Variants in CYB5R4 observed in about 807,000 individuals in gnomAD.
CYB5R4 encodes the protein N-terminal cytochrome b5 and cytochrome b5 oxidoreductase domain-containing protein.
Under a neutral mutation model 70.2 loss-of-function variants are expected in CYB5R4, and 55 were observed. The ratio of observed to expected loss-of-function variants is 0.78; its 90% CI spans 0.63 to 0.98. The LOEUF is 0.98. CYB5R4 is among the 50% of genes least tolerant of loss of function. CYB5R4 has a pLI of 0.00. For synonymous variants in CYB5R4, 197 were observed against 199.5 expected (o/e 0.99, Z 0.11); for missense variants, 562 against 612.6 (o/e 0.92, Z 0.87).
intron 3 of CYB5R4, among the ~76,000 whole-genome samples, chr6:83,895,880 AC>A (rs2099461811): frequency 6.6e-6 from 1 of 152,178 alleles, no homozygotes; most frequent in South Asian, 2.1e-4. Context: ...ATGAGAATTT[AC>A]TTGTGCCCAG....
chr6:83,882,482 C>A (rs976676851), intron 2 of CYB5R4, among the ~76,000 whole-genome samples: 1 of 152,086 alleles, frequency 6.6e-6, no homozygotes, highest in Non-Finnish European at 1.5e-5. Flanking sequence ...TAATTGCCTA[C>A]TAAAACAGTC....
intron 8 of CYB5R4, among the ~76,000 whole-genome samples, 193 bp from the exon 9 acceptor site, chr6:83,922,245 C>A (rs1354945507): frequency 6.6e-6 from 1 of 152,110 alleles, no homozygotes; most frequent in East Asian, 1.9e-4. Context: ...AAAAATGAAA[C>A]AATTGAAAAT....
intron 14 of CYB5R4, among the ~76,000 whole-genome samples, chr6:83,952,136 T>G (rs2099471646): frequency 6.6e-6 from 1 of 152,124 alleles, no homozygotes. Flanking sequence ...AATAAAGGGA[T>G]TCTAAGCAGC....
At position 83,915,884 on chromosome 6, in the gene CYB5R4, C is replaced by T. The variant is rs140824013; in HGVS notation, c.445+1436C>T. The stretch of plus-strand genomic sequence containing the variant: ...CTACTTTCCTATTCCACTAGAGACC[C>T]GATCCCTTCAAATTGACGACATTCA... On this transcript the variant is annotated intron_variant, in intron 5 of 15. Coordinates refer to ENST00000369681, the MANE Select transcript of CYB5R4 (RefSeq NM_016230.4). Among the ~76,000 whole-genome samples the T allele has an allele frequency of 1.6e-3, 250 of 152,200 alleles. 1 individual carries two copies. The highest frequency in any genetic ancestry group is 5.6e-3 in the African/African-American group (232 of 41,550).
intron 2 of CYB5R4, among the ~76,000 whole-genome samples, chr6:83,887,867 C>A (rs1413250701): frequency 6.6e-6 from 1 of 152,020 alleles, no homozygotes; most frequent in Non-Finnish European, 1.5e-5. Context: ...CCCCCTTTGC[C>A]ACTGAAGAGC....
intron 2 of CYB5R4, among the ~76,000 whole-genome samples, chr6:83,882,869 G>C (rs749330819): frequency 8.5e-5 from 13 of 152,078 alleles, no homozygotes; most frequent in Non-Finnish European, 1.5e-4. Flanking sequence ...AGCTACTCGG[G>C]AGGCTGAGGT....
intron 3 of CYB5R4, among the ~76,000 whole-genome samples, chr6:83,895,580 T>G (rs1202839013): frequency 2.0e-5 from 3 of 152,196 alleles, no homozygotes; most frequent in Non-Finnish European, 4.4e-5. Context: ...TAATGTTGAA[T>G]GTACTGTGCC....
At chr6:83,905,949 C>G (rs939261572) in intron 3 of CYB5R4, among the ~76,000 whole-genome samples, 1 of 152,140 alleles carries the variant, frequency 6.6e-6, no homozygotes, top group Non-Finnish European at 1.5e-5. Context: ...CCTCAGGCCC[C>G]TGGGAGGAGT....
At chr6:83,956,649 A>G (rs2099472474) in intron 15 of CYB5R4, among the ~76,000 whole-genome samples, 1 of 152,204 alleles carries the variant, frequency 6.6e-6, no homozygotes, top group South Asian at 2.1e-4. Context: ...AGATCTAGCT[A>G]TGTTAATAGG....
In CYB5R4 at chr6:83,953,074, TGC is replaced by T. The variant is rs67979341; in HGVS notation, c.1347-2223_1347-2222del. On this transcript the variant is annotated intron_variant, in intron 14 of 15. Transcript: ENST00000369681. The stretch of plus-strand genomic sequence containing the variant: ...AGGAGATGTTCCTCAGATGTTGTGT[TGC>T]TCAGAATGTGTTCTTTGAAATGTTA... Among the ~76,000 whole-genome samples, 552 of 152,268 alleles carry T rather than the reference TGC, an allele frequency of 3.6e-3. 11 individuals are homozygous for T. In the East Asian group the frequency reaches 0.051, roughly 14 times the overall value.
At chr6:83,908,810 C>T (rs1396389656) in intron 3 of CYB5R4, among the ~76,000 whole-genome samples, 199 bp from the exon 4 acceptor site, 1 of 152,212 alleles carries the variant, frequency 6.6e-6, no homozygotes, top group Non-Finnish European at 1.5e-5. Context: ...AAGGTCCCAA[C>T]ACTTTGAGAA....
At chr6:83,916,522 C>T (rs563745830) in intron 5 of CYB5R4, among the ~76,000 whole-genome samples, 9 of 152,218 alleles carry the variant, frequency 5.9e-5, no homozygotes, top group Admixed American at 1.3e-4. Flanking sequence ...TTGTAGTCCT[C>T]TCTTGTTTTA....
intron 2 of CYB5R4, among the ~76,000 whole-genome samples, chr6:83,875,623 A>G (rs546416959): frequency 1.3e-5 from 2 of 152,318 alleles, no homozygotes; most frequent in South Asian, 4.1e-4. Context: ...TAGTGAAAGT[A>G]CAGCTACTCC....
chr6:83,957,819 T>C (rs2099472666), intron 15 of CYB5R4, among the ~76,000 whole-genome samples: 1 of 152,158 alleles, frequency 6.6e-6, no homozygotes, highest in Non-Finnish European at 1.5e-5. Context: ...TTCTGAGATG[T>C]AACTTGATTC....
chr6:83,940,628 T>C, intron 14 of CYB5R4, 27 bp downstream of exon 14: 1 of 1,582,942 alleles, frequency 6.3e-7, no homozygotes, highest in African/African-American at 1.4e-5. Context: ...AGCTCTGCGT[T>C]TAGTTATTTA....
At chr6:83,873,009 T>C (rs9449709) in intron 2 of CYB5R4, among the ~76,000 whole-genome samples, 43,414 of 152,054 alleles carry the variant, frequency 0.29, 12,194 homozygotes, top group African/African-American at 0.73. Context: ...ACTGTTTCAA[T>C]TTAGGCAGCC....
At chr6:83,927,844 G>A (rs1379705823) in intron 10 of CYB5R4, among the ~76,000 whole-genome samples, 1 of 152,092 alleles carries the variant, frequency 6.6e-6, no homozygotes, top group Admixed American at 6.6e-5. Flanking sequence ...GGGGCCTGCT[G>A]GTTCCAATCC....
intron 1 of CYB5R4, among the ~76,000 whole-genome samples, chr6:83,862,057 A>G (rs1279824437): frequency 3.9e-5 from 6 of 152,228 alleles, no homozygotes; most frequent in Non-Finnish European, 7.3e-5. Context: ...TTCTTTCACC[A>G]TATCTGCCAG....
intron 14 of CYB5R4, among the ~76,000 whole-genome samples, chr6:83,951,854 G>A (rs1314504475): frequency 6.6e-6 from 1 of 152,082 alleles, no homozygotes; most frequent in Non-Finnish European, 1.5e-5. Context: ...TTGAGGAATC[G>A]CCACACTGTT....
Sources: gnomAD v4.1 joint callset for allele counts (sites outside exome capture counted in the v4.1 genomes callset) on GRCh38, gnomAD v4.1.1 for gene constraint, MANE v1.5 for transcripts, NCBI Gene and HGNC (gene_info 2026-07-23, HGNC 2026-07-21) for gene names.